Variants in PTPRT observed in about 807,000 individuals in gnomAD.
PTPRT encodes the protein protein tyrosine phosphatase receptor type T.
Under a neutral mutation model 176.8 loss-of-function variants are expected in PTPRT, and 56 were observed. The ratio of observed to expected loss-of-function variants is 0.32; its 90% CI spans 0.26 to 0.40. The LOEUF (loss-of-function observed/expected upper bound fraction) is 0.40, where lower values mean the gene tolerates loss of function less well. Ranked by LOEUF, PTPRT falls within the 10% of genes least tolerant of loss-of-function variation. The pLI, the probability that PTPRT is intolerant of heterozygous loss-of-function variation, is 1.00. For synonymous variants in PTPRT, 783 were observed against 739.0 expected (o/e 1.06, Z -0.96); for missense variants, 1,540 against 1,908.2 (o/e 0.81, Z 3.60).
intron 1 of PTPRT, among the ~76,000 whole-genome samples, chr20:43,177,383 C>G (rs117339561): frequency 0.043 from 6,490 of 152,236 alleles, 193 homozygotes; most frequent in Non-Finnish European, 0.066. Context: ...TAAGGATCTC[C>G]AGAAAAGATG....
At chr20:42,529,072 A>T (rs1330521618) in intron 7 of PTPRT, among the ~76,000 whole-genome samples, 1 of 152,186 alleles carries the variant, frequency 6.6e-6, no homozygotes, top group Non-Finnish European at 1.5e-5. Flanking sequence ...TTAAAACCTC[A>T]ATATGAAACA....
intron 16 of PTPRT, among the ~76,000 whole-genome samples, chr20:42,179,421 C>T (rs1313155943): frequency 1.3e-5 from 2 of 152,148 alleles, no homozygotes; most frequent in Non-Finnish European, 2.9e-5. Context: ...CCATTGACAA[C>T]AATCTTTAAT....
intron 6 of PTPRT, among the ~76,000 whole-genome samples, chr20:42,694,016 G>GT (rs1217283738): frequency 2.0e-5 from 3 of 146,756 alleles, no homozygotes; most frequent in Non-Finnish European, 3.0e-5. Context: ...ATTACTCCAG[G>GT]TTTTTTTTCT....
At chr20:42,198,748 A>G (rs1367587601) in intron 16 of PTPRT, among the ~76,000 whole-genome samples, 2 of 152,184 alleles carry the variant, frequency 1.3e-5, no homozygotes, top group Admixed American at 6.5e-5. Context: ...CAATCTAAAT[A>G]TGTAACTCAT....
chr20:42,138,879 C>T (rs999598366), intron 18 of PTPRT, among the ~76,000 whole-genome samples: 1 of 152,142 alleles, frequency 6.6e-6, no homozygotes, highest in Non-Finnish European at 1.5e-5. Flanking sequence ...CCTACTTGTC[C>T]CCTTTAATCT....
At chr20:42,349,070 T>C (rs929351343) in intron 11 of PTPRT, among the ~76,000 whole-genome samples, 1 of 152,196 alleles carries the variant, frequency 6.6e-6, no homozygotes, top group Non-Finnish European at 1.5e-5. Context: ...TCTATTTCAA[T>C]GCCTATCATT....
In PTPRT at chr20:42,935,348, T is replaced by C. The variant is rs528197517; in HGVS notation, c.89-49416A>G. Among the ~76,000 whole-genome samples, 497 of 151,938 alleles carry C rather than the reference T, an allele frequency of 3.3e-3. 2 individuals carry two copies. Among genetic ancestry groups the C allele is most frequent in the Non-Finnish European group, 5.2e-3 (350 of 67,946 alleles). ...AAAGACAAGGTCTTGCTATGTTACC[T>C]AGGCTGTTCTCAAACTCCTGGCCTC... On this transcript the variant is annotated intron_variant, in intron 1 of 30. Coordinates refer to ENST00000373187, the MANE Select transcript of PTPRT (RefSeq NM_007050.6).
rs1435664888 is a variant in PTPRT at position 43,092,911 on chromosome 20, A to G, written c.88+96735T>C. 2.6e-5 allele frequency among the ~76,000 whole-genome samples: 4 copies of G among 152,220 alleles called. No homozygotes were observed. In the East Asian group the frequency reaches 5.8e-4, roughly 22 times the overall value. ...TAACCTAGCCTATACTGACTGATAC[A>G]ATGAGGCAATGCTTTATAATGTTGT... is the stretch of plus-strand genomic sequence containing the variant. On this transcript the variant is annotated intron_variant, in intron 1 of 30. Transcript: ENST00000373187.
chr20:42,703,502 A>G (rs1182879074), intron 6 of PTPRT, among the ~76,000 whole-genome samples: 1 of 152,190 alleles, frequency 6.6e-6, no homozygotes, highest in African/African-American at 2.4e-5. Flanking sequence ...GGTCTTGGCT[A>G]TGGTAGGCAG....
intron 22 of PTPRT, among the ~76,000 whole-genome samples, 157 bp from the exon 23 acceptor site, chr20:42,110,644 A>AATC (rs1297948662): frequency 5.9e-5 from 9 of 152,226 alleles, no homozygotes; most frequent in African/African-American, 1.7e-4. Flanking sequence ...GCGATTCTGT[A>AATC]ATCAGTTACA....
intron 1 of PTPRT, among the ~76,000 whole-genome samples, chr20:42,956,903 TC>T (rs1270207236): frequency 6.6e-6 from 1 of 152,088 alleles, no homozygotes; most frequent in East Asian, 1.9e-4. Context: ...AAATGAGTGT[TC>T]CTTCATTCAG....
intron 7 of PTPRT, among the ~76,000 whole-genome samples, chr20:42,587,433 C>T (rs1285713473): frequency 6.6e-6 from 1 of 152,212 alleles, no homozygotes; most frequent in African/African-American, 2.4e-5. Context: ...CATATCTTGA[C>T]CCAAGGCAGA....
At chr20:42,241,772 A>T (rs1026501141) in intron 14 of PTPRT, among the ~76,000 whole-genome samples, 1 of 152,060 alleles carries the variant, frequency 6.6e-6, no homozygotes, top group African/African-American at 2.4e-5. Flanking sequence ...AGGAAGGAGC[A>T]GTTTAGAACA....
chr20:42,746,990 G>T (rs1393154774), intron 6 of PTPRT, among the ~76,000 whole-genome samples: 2 of 152,138 alleles, frequency 1.3e-5, no homozygotes, highest in Non-Finnish European at 2.9e-5. Context: ...CACATGGTGG[G>T]GTGGGTAAGT....
intron 1 of PTPRT, among the ~76,000 whole-genome samples, chr20:43,080,047 A>C (rs989362144): frequency 6.6e-6 from 1 of 152,184 alleles, no homozygotes; most frequent in African/African-American, 2.4e-5. Flanking sequence ...ATTGTTCTCA[A>C]TTATTTGCTG....
chr20:42,529,399 T>G (rs1244210863), intron 7 of PTPRT, among the ~76,000 whole-genome samples: 1 of 152,148 alleles, frequency 6.6e-6, no homozygotes, highest in Non-Finnish European at 1.5e-5. Flanking sequence ...CAGATATGGA[T>G]GGAAGAATGG....
At chr20:42,901,519 G>A (rs567049019) in intron 1 of PTPRT, among the ~76,000 whole-genome samples, 4 of 151,938 alleles carry the variant, frequency 2.6e-5, no homozygotes, top group South Asian at 2.1e-4. Flanking sequence ...CTTAACACCC[G>A]CAATCCCATA....
At chr20:42,731,728 C>T (rs2076463681) in intron 6 of PTPRT, among the ~76,000 whole-genome samples, 1 of 152,180 alleles carries the variant, frequency 6.6e-6, no homozygotes, top group Non-Finnish European at 1.5e-5. Flanking sequence ...CCTCTAAGGT[C>T]TTAAGTGATT....
intron 7 of PTPRT, among the ~76,000 whole-genome samples, chr20:42,655,484 C>CCATCTTTT (rs2075109328): frequency 6.6e-6 from 1 of 152,162 alleles, no homozygotes; most frequent in Non-Finnish European, 1.5e-5. Context: ...GAGCAAGACT[C>CCATCTTTT]CATCTTTTTA....
Sources: allele counts gnomAD v4.1 joint callset (sites outside exome capture counted in the v4.1 genomes callset), GRCh38; gene constraint gnomAD v4.1.1; transcripts MANE v1.5; gene names NCBI Gene and HGNC (gene_info 2026-07-23, HGNC 2026-07-21).